Variants in NEIL2 observed in about 807,000 individuals in gnomAD.
The protein encoded by NEIL2 is endonuclease 8-like 2.
A neutral mutation model predicts 22.2 loss-of-function variants in NEIL2; 23 were observed. That is an observed-to-expected ratio of 1.04 (90% CI 0.75 to 1.47). NEIL2 has a LOEUF of 1.47. Ranked by LOEUF, NEIL2 falls within the 40% of genes most tolerant of loss-of-function variation. The pLI is 0.00. For synonymous variants in NEIL2, 229 were observed against 164.8 expected (o/e 1.39, Z -2.99); for missense variants, 583 against 404.7 (o/e 1.44, Z -3.78).
rs112313786 is a variant in NEIL2 at position 11,782,527 on chromosome 8, T to G, written c.492-676T>G. ...CTTATATGTGCTCAGAACAATTACA[T>G]TAGCCTACAGTTGGGCAAAATCATC... On this transcript the variant is annotated intron_variant, in intron 3 of 4. Coordinates refer to ENST00000284503, the MANE Select transcript of NEIL2 (RefSeq NM_145043.4). The G allele has an allele frequency of 4.4e-3, 710 of 163,026 alleles. 4 individuals carry two copies. The highest frequency in any genetic ancestry group is 0.016 in the African/African-American group (666 of 41,744). 10.1% of individuals were successfully genotyped at this position (163,026 alleles called of 1,614,324 possible).
rs991076415 is a variant in NEIL2, at chr8:11,771,723, C to T, written c.138+138C>T. On this transcript the variant is annotated intron_variant, in intron 2 of 4. Transcript: ENST00000284503. ...TCGGACTCCATGCAGCTCCCTCTTT[C>T]AGTCTCACGTGTCTCAGCCAGAAGT... 4.9e-6 allele frequency: 4 copies of T among 821,176 alleles called. No homozygotes were observed. In the African/African-American group the frequency reaches 6.8e-5, roughly 14 times the overall value. The allele number at this position is 821,176 out of a possible 1,614,324, so 50.9% of individuals were successfully genotyped here. A position where few individuals can be genotyped will look rare whatever the true frequency, so the allele number is the denominator to read the frequency against.
intron 3 of NEIL2, 39 bp from the exon 4 acceptor site, chr8:11,783,163 TG>T: frequency 6.3e-7 from 1 of 1,580,364 alleles, no homozygotes; most frequent in Non-Finnish European, 8.7e-7. Context: ...GACTATACTG[TG>T]GTAACGATGT....
In NEIL2 at chr8:11,779,657, C is replaced by A. The variant is rs1368895520; in HGVS notation, c.198C>A (p.Gly66=). The change falls in exon 3 of 5, where the codon GGC becomes GGA. Residue 66 remains glycine, a synonymous_variant. Coordinates refer to ENST00000284503, the MANE Select transcript of NEIL2 (RefSeq NM_145043.4). The stretch of plus-strand genomic sequence containing the variant: ...TAGATGAAGAAATGGGGCCCCCTGG[C>A]AGCAGCCCAACACCAGAGCCTCCAC... ...FDLDEEMGPP[G]SSPTPEPPQK... 8 of 1,613,802 alleles carry A rather than the reference C, an allele frequency of 5.0e-6. No homozygotes were observed. The highest frequency in any genetic ancestry group is 6.8e-6 in the Non-Finnish European group (8 of 1,179,966).
At chr8:11,780,619 G>C (rs910383447) in intron 3 of NEIL2, among the ~76,000 whole-genome samples, 1 of 152,176 alleles carries the variant, frequency 6.6e-6, no homozygotes, top group Non-Finnish European at 1.5e-5. Flanking sequence ...CTGGCCTCAA[G>C]CGATCGCCTA....
chr8:11,782,673 G>A (rs8191634), intron 3 of NEIL2: 8,651 of 195,938 alleles, frequency 0.044, 570 homozygotes, highest in East Asian at 0.29. Flanking sequence ...CATTGATTTT[G>A]TACCATTATA....
At chr8:11,777,727 T>C (rs1439732508) in intron 2 of NEIL2, among the ~76,000 whole-genome samples, 1 of 152,266 alleles carries the variant, frequency 6.6e-6, no homozygotes, top group East Asian at 1.9e-4. Flanking sequence ...ATTGTTGTAA[T>C]CTAATTTTGC....
Position 11,786,237 on chromosome 8 carries a change from G to A in NEIL2, c.963G>A (p.Gln321=). 6.2e-7 allele frequency: 1 copy of A among 1,612,956 alleles called. No individual in the cohort carries two copies. The highest frequency in any genetic ancestry group is 8.5e-7 in the Non-Finnish European group (1 of 1,180,004). Residue 321 remains glutamine, a synonymous_variant, in exon 5 of 5, where the codon CAG becomes CAA. Transcript: ENST00000284503. ...LTWWCPQCQP[Q]LSEEPEQCQF... The stretch of plus-strand genomic sequence containing the variant: ...GGTGGTGCCCGCAGTGCCAGCCCCA[G>A]TTGTCAGAGGAGCCAGAGCAGTGCC...
chr8:11,780,346 G>C (rs867340278), intron 3 of NEIL2, among the ~76,000 whole-genome samples: 58 of 152,134 alleles, frequency 3.8e-4, no homozygotes, highest in African/African-American at 1.4e-3. Flanking sequence ...TTAACATTCA[G>C]TAGAATGCAG....
chr8:11,784,717 G>C (rs557164410), intron 4 of NEIL2, among the ~76,000 whole-genome samples: 5 of 152,352 alleles, frequency 3.3e-5, no homozygotes, highest in African/African-American at 1.2e-4. Context: ...TGGTGGAGCT[G>C]AAAGAGTATG....
chr8:11,772,128 G>C (rs1883016), intron 2 of NEIL2, among the ~76,000 whole-genome samples: 98 of 152,154 alleles, frequency 6.4e-4, no homozygotes, highest in African/African-American at 2.3e-3. Context: ...GCTTGAACCC[G>C]GGAGGCCGAG....
At position 11,785,990 on chromosome 8, in the gene NEIL2, A is replaced by G. The variant is rs201377798; in HGVS notation, c.716A>G (p.Tyr239Cys). The G allele has an allele frequency of 9.9e-6, 16 of 1,613,952 alleles. No individual in the cohort carries two copies. Among genetic ancestry groups the G allele is most frequent in the African/African-American group, 6.7e-5 (5 of 74,886 alleles). ...LGNIIKNEAL[Y>C]RAGIHPLSLG... ...AACATCATTAAGAATGAAGCCTTGT[A>G]CAGAGCTGGGATCCATCCCCTTTCT... Residue 239 changes from tyrosine (Y) to cysteine (C), a missense_variant, in exon 5 of 5, where the codon TAC (tyrosine) becomes TGC (cysteine). Transcript: ENST00000284503.
At chr8:11,776,544 C>G (rs766040803) in intron 2 of NEIL2, among the ~76,000 whole-genome samples, 5 of 152,212 alleles carry the variant, frequency 3.3e-5, no homozygotes, top group African/African-American at 4.8e-5. Flanking sequence ...GTTTCCATTT[C>G]TCTTGAGAGT....
At chr8:11,770,771 G>A (rs914344361) in intron 1 of NEIL2, among the ~76,000 whole-genome samples, 1 of 152,066 alleles carries the variant, frequency 6.6e-6, no homozygotes, top group Non-Finnish European at 1.5e-5. Context: ...TGATTTGGGG[G>A]CAGGGAGAGT....
At chr8:11,780,612 G>A (rs1804325584) in intron 3 of NEIL2, among the ~76,000 whole-genome samples, 1 of 152,166 alleles carries the variant, frequency 6.6e-6, no homozygotes, top group Non-Finnish European at 1.5e-5. Flanking sequence ...GGAACTCCTG[G>A]CCTCAAGCGA....
At position 11,779,671 on chromosome 8, in the gene NEIL2, C is replaced by T; in HGVS notation, c.212C>T (p.Pro71Leu). The T allele has an allele frequency of 1.2e-6, 2 of 1,613,902 alleles. No individual in the cohort carries two copies. The highest frequency in any genetic ancestry group is 2.2e-5 in the East Asian group (1 of 44,874). The change falls in exon 3 of 5, where the codon CCA becomes CTA. Residue 71 changes from proline to leucine, a missense_variant. Coordinates refer to ENST00000284503, the MANE Select transcript of NEIL2 (RefSeq NM_145043.4). ...EMGPPGSSPTPEPPQKEVQKE... is the reference protein window; with the variant it reads ...EMGPPGSSPTLEPPQKEVQKE... ...GGGCCCCCTGGCAGCAGCCCAACAC[C>T]AGAGCCTCCACAAAAAGAAGTGCAG...
At chr8:11,774,993 T>C (rs769019617) in intron 2 of NEIL2, among the ~76,000 whole-genome samples, 4 of 152,238 alleles carry the variant, frequency 2.6e-5, no homozygotes, top group Non-Finnish European at 4.4e-5. Flanking sequence ...CTGTGTGTTT[T>C]CCAGGGCAGG....
intron 3 of NEIL2, among the ~76,000 whole-genome samples, chr8:11,780,527 G>T (rs535726170): frequency 6.6e-6 from 1 of 152,166 alleles, no homozygotes; most frequent in South Asian, 2.1e-4. Flanking sequence ...CTACAGGTGC[G>T]TGCCACCACA....
chr8:11,781,302 C>T (rs1046003087), intron 3 of NEIL2, among the ~76,000 whole-genome samples: 6 of 152,134 alleles, frequency 3.9e-5, no homozygotes, highest in Non-Finnish European at 7.3e-5. Context: ...TTGGGGCTGC[C>T]GTTCCAAGGT....
intron 3 of NEIL2, chr8:11,782,597 T>G (rs1449743778): frequency 5.9e-6 from 1 of 168,646 alleles, no homozygotes; most frequent in African/African-American, 2.4e-5. Context: ...CTCACGTAAT[T>G]TATTGAATGC....
Sources: allele counts gnomAD v4.1 joint callset (sites outside exome capture counted in the v4.1 genomes callset), GRCh38; gene constraint gnomAD v4.1.1; transcripts MANE v1.5; gene names NCBI Gene and HGNC (gene_info 2026-07-23, HGNC 2026-07-21).